LRRC3B: variants seen among roughly 807,000 people sequenced by gnomAD.
The protein encoded by LRRC3B is leucine rich repeat containing 3B.
Under a neutral mutation model 12.8 loss-of-function variants are expected in LRRC3B, and 2 were observed. The observed-to-expected ratio is 0.16, with a 90% CI of 0.06 to 0.49. The LOEUF (loss-of-function observed/expected upper bound fraction) is 0.49. Among genes scored for constraint, LRRC3B ranks in the 20% least tolerant of loss-of-function variants. The pLI, the probability that LRRC3B is intolerant of heterozygous loss-of-function variation, is 0.96. For synonymous variants in LRRC3B, 132 were observed against 122.0 expected, an observed-to-expected ratio of 1.08 and a Z score of -0.54; for missense variants, 189 against 319.4, an observed-to-expected ratio of 0.59 and a Z score of 3.11.
intron 1 of LRRC3B, among the ~76,000 whole-genome samples, chr3:26,647,195 C>T (rs539731299): frequency 6.6e-6 from 1 of 152,252 alleles, no homozygotes; most frequent in East Asian, 1.9e-4. Flanking sequence ...AATGTCACCC[C>T]TAAGAGTAGC....
chr3:26,658,305 G>A (rs1035711572), intron 1 of LRRC3B, among the ~76,000 whole-genome samples: 7 of 152,114 alleles, frequency 4.6e-5, no homozygotes, highest in African/African-American at 7.2e-5. Flanking sequence ...TGATCTGCCC[G>A]CCTCGGCCTC....
chr3:26,629,722 T>C (rs1483196406), intron 1 of LRRC3B, among the ~76,000 whole-genome samples: 1 of 152,232 alleles, frequency 6.6e-6, no homozygotes, highest in Non-Finnish European at 1.5e-5. Flanking sequence ...TGTGGTTTTT[T>C]ATTGGGGTGG....
At chr3:26,668,588 T>A (rs1699656521) in intron 1 of LRRC3B, among the ~76,000 whole-genome samples, 1 of 152,150 alleles carries the variant, frequency 6.6e-6, no homozygotes, top group African/African-American at 2.4e-5. Context: ...AGAATCTGGG[T>A]TTTTAAGTTT....
chr3:26,632,543 G>A (rs918926187), intron 1 of LRRC3B, among the ~76,000 whole-genome samples: 1 of 152,002 alleles, frequency 6.6e-6, no homozygotes, highest in East Asian at 1.9e-4. Flanking sequence ...GTGGATCCCC[G>A]AGCCGTTACC....
intron 1 of LRRC3B, among the ~76,000 whole-genome samples, chr3:26,690,378 G>A (rs1700166053): frequency 1.3e-5 from 2 of 152,068 alleles, no homozygotes; most frequent in African/African-American, 4.8e-5. Context: ...CTGCCATTTG[G>A]TTCACCAAGA....
chr3:26,681,584 C>CT lies in LRRC3B; in HGVS notation c.-160-27929_-160-27928insT, dbSNP rs1419448551. 5.3e-5 allele frequency among the ~76,000 whole-genome samples: 8 copies of CT among 152,120 alleles called. No homozygotes were observed. The East Asian group carries it at 1.5e-3, about 29-fold the overall frequency. ...TCTGTAAAAGGGGATGATAGTGATT[C>CT]ATATCTTTCAGGGTAGCTCTGGAGG... On this transcript the variant is annotated intron_variant, in intron 1 of 1. Coordinates refer to ENST00000396641, the Ensembl canonical transcript of LRRC3B.
At chr3:26,685,943 T>G (rs1700079202) in intron 1 of LRRC3B, among the ~76,000 whole-genome samples, 1 of 152,248 alleles carries the variant, frequency 6.6e-6, no homozygotes, top group South Asian at 2.1e-4. Flanking sequence ...CTATTGGCAG[T>G]AGCTACCTCA....
intron 1 of LRRC3B, among the ~76,000 whole-genome samples, chr3:26,681,844 G>T (rs994106691): frequency 9.2e-5 from 14 of 152,016 alleles, no homozygotes; most frequent in Non-Finnish European, 2.1e-4. Context: ...TACCCTTAGG[G>T]AATACATTCC....
chr3:26,698,687 T>G (rs533088586), intron 1 of LRRC3B, among the ~76,000 whole-genome samples: 12 of 152,216 alleles, frequency 7.9e-5, no homozygotes, highest in Admixed American at 7.9e-4. Context: ...AATTGTTAAA[T>G]TTTTCCCATC....
chr3:26,637,253 G>A (rs1056631097), intron 1 of LRRC3B, among the ~76,000 whole-genome samples: 1 of 151,996 alleles, frequency 6.6e-6, no homozygotes, highest in African/African-American at 2.4e-5. Flanking sequence ...GAGGGAAATG[G>A]CATCAGTAGG....
intron 1 of LRRC3B, among the ~76,000 whole-genome samples, chr3:26,658,199 C>T (rs1462946080): frequency 1.3e-5 from 2 of 152,122 alleles, no homozygotes; most frequent in African/African-American, 2.4e-5. Flanking sequence ...GCCTCAGTCT[C>T]CCGAGTAGCC....
At chr3:26,681,919 C>T (rs562151360) in intron 1 of LRRC3B, among the ~76,000 whole-genome samples, 1 of 152,218 alleles carries the variant, frequency 6.6e-6, no homozygotes, top group African/African-American at 2.4e-5. Flanking sequence ...GTGTTTCTTC[C>T]ATACATACAA....
At chr3:26,627,982 G>A (rs1698666416) in intron 1 of LRRC3B, among the ~76,000 whole-genome samples, 1 of 152,130 alleles carries the variant, frequency 6.6e-6, no homozygotes, top group Admixed American at 6.5e-5. Context: ...TTGGAACCTG[G>A]GCAGACATTC....
At chr3:26,709,770 T>C (rs1559376730) in exon 2 of LRRC3B, 1 of 1,614,160 alleles carries the variant, frequency 6.2e-7, no homozygotes. Flanking sequence ...TCTGCCAGTA[T>C]GTGTCCCAAG....
intron 1 of LRRC3B, among the ~76,000 whole-genome samples, chr3:26,698,966 G>A (rs767371710): frequency 7.2e-5 from 11 of 152,004 alleles, no homozygotes; most frequent in Admixed American, 1.3e-4. Context: ...GATCTCTTGC[G>A]TTGTTTTCAG....
chr3:26,623,022 C>T (rs1187347599), exon 1 of LRRC3B: 13 of 151,576 alleles, frequency 8.6e-5, no homozygotes, highest in Admixed American at 5.9e-4. Flanking sequence ...GCCTGCGTCC[C>T]GCGCCCCAGC....
chr3:26,683,095 C>T (rs1700004284), intron 1 of LRRC3B, among the ~76,000 whole-genome samples: 1 of 152,104 alleles, frequency 6.6e-6, no homozygotes. Flanking sequence ...ACTTCTAGGG[C>T]ACCATTTGGG....
At chr3:26,637,670 A>G (rs1698932752) in intron 1 of LRRC3B, among the ~76,000 whole-genome samples, 1 of 152,202 alleles carries the variant, frequency 6.6e-6, no homozygotes, top group Admixed American at 6.5e-5. Flanking sequence ...TATTTTTCCT[A>G]CTATAGATCC....
chr3:26,667,119 GAA>G (rs368094321), intron 1 of LRRC3B, among the ~76,000 whole-genome samples: 32 of 101,514 alleles, frequency 3.2e-4, no homozygotes, highest in African/African-American at 8.7e-4. Context: ...TCACTTTCAA[GAA>G]AAAAAAAAAA....
Sources: gnomAD v4.1 joint callset for allele counts (sites outside exome capture counted in the v4.1 genomes callset) on GRCh38, gnomAD v4.1.1 for gene constraint, MANE v1.5 for transcripts, NCBI Gene and HGNC (gene_info 2026-07-23, HGNC 2026-07-21) for gene names.